Variants in CNOT1 observed in about 807,000 individuals in gnomAD.
The protein encoded by CNOT1 is CCR4-NOT transcription complex subunit 1.
Under a neutral mutation model 273.8 loss-of-function variants are expected in CNOT1, and 15 were observed. That is an observed-to-expected ratio of 0.05 (90% CI 0.04 to 0.08). CNOT1 has a LOEUF of 0.08. Ranked by LOEUF, CNOT1 falls within the 10% of genes least tolerant of loss-of-function variation. CNOT1 has a pLI of 1.00. For missense variants in CNOT1, 1,644 were observed against 2,912.2 expected (o/e 0.56, Z 10.02); for synonymous variants, 1,022 against 1,005.5 (o/e 1.02, Z -0.31).
At chr16:58,566,126 C>T (rs2041033750) in intron 16 of CNOT1, among the ~76,000 whole-genome samples, 1 of 152,196 alleles carries the variant, frequency 6.6e-6, no homozygotes, top group African/African-American at 2.4e-5. Context: ...AGTAGACTAA[C>T]ATGGTATCTG....
At chr16:58,557,447 TTAA>T (rs1459478566) in intron 18 of CNOT1, among the ~76,000 whole-genome samples, 1 of 152,140 alleles carries the variant, frequency 6.6e-6, no homozygotes, top group African/African-American at 2.4e-5. Context: ...TAGGAAGGCC[TTAA>T]TAAGTTCAGT....
chr16:58,547,479 T>C lies in CNOT1; in HGVS notation c.3639+87A>G. On this transcript the variant is annotated intron_variant, in intron 26 of 48. Coordinates refer to ENST00000317147, the MANE Select transcript of CNOT1 (RefSeq NM_016284.5). This position sits in a 1 kb window ranked among gnomAD's most constrained non-coding sequence, Gnocchi z 4.0. ...GGGCCAAAATCTTACAAAACCCCAA[T>C]AATCATTAAATAGCTCCAAACAGCC... The C allele has an allele frequency of 6.5e-7, 1 of 1,528,236 alleles. No individual in the cohort carries two copies. The highest frequency in any genetic ancestry group is 2.0e-5 in the Admixed American group (1 of 48,906). The allele number at this position is 1,528,236 out of a possible 1,614,324, so 94.7% of individuals were successfully genotyped here.
rs74530059 is a variant in CNOT1, at chr16:58,528,456, T to C, written c.6453+19A>G. 6.3e-7 allele frequency: 1 copy of C among 1,588,548 alleles called. No homozygotes were observed. The highest frequency in any genetic ancestry group is 2.2e-5 in the East Asian group (1 of 44,754). The stretch of plus-strand genomic sequence containing the variant: ...AAATATTAAGACATAAGTTTTCCTT[T>C]AACTAGTTGGAACCTTACCTTTAGA... On this transcript the variant is annotated intron_variant, in intron 44 of 48. Coordinates refer to ENST00000317147, the MANE Select transcript of CNOT1 (RefSeq NM_016284.5).
intron 2 of CNOT1, 102 bp from the exon 3 acceptor site, chr16:58,589,008 T>G: frequency 7.6e-7 from 1 of 1,308,072 alleles, no homozygotes; most frequent in Non-Finnish European, 1.0e-6. Flanking sequence ...AAATTCCAAT[T>G]TACATTAGTT....
intron 1 of CNOT1, among the ~76,000 whole-genome samples, chr16:58,618,538 G>A (rs990211191): frequency 2.0e-5 from 3 of 151,836 alleles, no homozygotes; most frequent in South Asian, 2.1e-4. Context: ...AGCTAAGATC[G>A]CACCATTGCA....
intron 1 of CNOT1, among the ~76,000 whole-genome samples, chr16:58,608,769 G>A (rs1484215833): frequency 6.6e-6 from 1 of 152,130 alleles, no homozygotes; most frequent in Non-Finnish European, 1.5e-5. Context: ...ATACACAACG[G>A]AATAGTACTC....
chr16:58,554,923 A>G, intron 21 of CNOT1, among the ~76,000 whole-genome samples: 1 of 105,218 alleles, frequency 9.5e-6, no homozygotes. Flanking sequence ...GGGACAGAGC[A>G]AGACTCCATC....
rs536948240 is a variant in CNOT1 at position 58,589,250 on chromosome 16, C to T, written c.103-344G>A. Among the ~76,000 whole-genome samples the T allele has an allele frequency of 5.3e-5, 8 of 152,272 alleles. No homozygotes were observed. In the East Asian group the frequency reaches 1.5e-3, roughly 29 times the overall value. On this transcript the variant is annotated intron_variant, in intron 2 of 48. Transcript: ENST00000317147. The stretch of plus-strand genomic sequence containing the variant: ...TTCCTGGGCCGGGTGCAGTGGCTCA[C>T]GCCTGTAATCCCAGCACTTTGGGAG...
intron 2 of CNOT1, among the ~76,000 whole-genome samples, chr16:58,590,595 C>CAA (rs539552477): frequency 2.2e-5 from 3 of 135,810 alleles, no homozygotes; most frequent in Non-Finnish European, 3.2e-5. Flanking sequence ...ACTCTGTCTC[C>CAA]AAAAAAAAAA....
chr16:58,526,804 C>T (rs1179658292), intron 44 of CNOT1, among the ~76,000 whole-genome samples: 4 of 118,772 alleles, frequency 3.4e-5, no homozygotes, highest in Non-Finnish European at 4.9e-5. Flanking sequence ...GCAACAAGAA[C>T]GAAACTCCGT....
chr16:58,622,426 C>T (rs1255030055), intron 1 of CNOT1, among the ~76,000 whole-genome samples: 2 of 141,450 alleles, frequency 1.4e-5, no homozygotes, highest in Non-Finnish European at 3.0e-5. Context: ...ACTTTCTCAT[C>T]AATTTTACTG....
rs770794122 is a variant in CNOT1 at position 58,520,988 on chromosome 16, C to T, written c.7101G>A (p.Gln2367=). The T allele has an allele frequency of 1.9e-6, 3 of 1,613,980 alleles. No individual in the cohort carries two copies. Among genetic ancestry groups the T allele is most frequent in the South Asian group, 2.2e-5 (2 of 91,088 alleles). ...AQCCMGQKQA[Q]QVMEGTGAS is the part of the protein sequence containing the mutation. ...TGGCACCTGTCCCTTCCATTACTTGCTGGGCCTGCTTCTGTCCCATGCAGC... is the reference window on the plus strand; with the variant it reads ...TGGCACCTGTCCCTTCCATTACTTGTTGGGCCTGCTTCTGTCCCATGCAGC... Residue 2367 remains glutamine (Q), a synonymous_variant, in exon 49 of 49, where the codon CAG becomes CAA. Coordinates refer to ENST00000317147, the MANE Select transcript of CNOT1 (RefSeq NM_016284.5).
chr16:58,592,396 A>T (rs925183975), intron 2 of CNOT1, among the ~76,000 whole-genome samples: 1 of 152,200 alleles, frequency 6.6e-6, no homozygotes, highest in South Asian at 2.1e-4. Context: ...TGGCTGTAAA[A>T]GCAATTGTTA....
chr16:58,621,766 A>G (rs1276840456), intron 1 of CNOT1, among the ~76,000 whole-genome samples: 1 of 149,250 alleles, frequency 6.7e-6, no homozygotes, highest in Non-Finnish European at 1.5e-5. Context: ...AAAAATACAA[A>G]AAACAAATTA....
intron 25 of CNOT1, among the ~76,000 whole-genome samples, chr16:58,548,275 C>T (rs1162262109): frequency 2.6e-5 from 4 of 152,076 alleles, no homozygotes; most frequent in Non-Finnish European, 5.9e-5. Context: ...ACTGATTCTC[C>T]GGTTACTGTT....
chr16:58,605,817 C>T (rs757336727), intron 1 of CNOT1, among the ~76,000 whole-genome samples: 35 of 152,166 alleles, frequency 2.3e-4, no homozygotes, highest in Non-Finnish European at 3.4e-4. Context: ...CGCTGCCACA[C>T]GGCTAATTTT....
intron 30 of CNOT1, among the ~76,000 whole-genome samples, 194 bp downstream of exon 30, chr16:58,545,167 A>G (rs565192575): frequency 6.6e-6 from 1 of 152,376 alleles, no homozygotes; most frequent in East Asian, 1.9e-4. Flanking sequence ...ACTAACATCT[A>G]GTCACTCTAT....
intron 1 of CNOT1, among the ~76,000 whole-genome samples, chr16:58,611,171 G>C (rs1015047021): frequency 5.9e-5 from 9 of 152,142 alleles, no homozygotes; most frequent in African/African-American, 2.2e-4. Context: ...GCTCATGCCT[G>C]TAATCCTACC....
intron 39 of CNOT1, 105 bp from the exon 40 acceptor site, chr16:58,534,500 T>C: frequency 8.0e-7 from 1 of 1,245,986 alleles, no homozygotes; most frequent in Non-Finnish European, 1.1e-6. Context: ...TTGTTCCTAC[T>C]GTCATATTTC....
Sources: gnomAD v4.1 joint callset for allele counts (sites outside exome capture counted in the v4.1 genomes callset) on GRCh38, gnomAD v4.1.1 for gene constraint, Gnocchi (gnomAD v3.1) non-coding constraint, MANE v1.5 for transcripts, NCBI Gene and HGNC (gene_info 2026-07-23, HGNC 2026-07-21) for gene names.